The following ARSK variants were observed in gnomAD, a reference collection of about 807,000 sequenced individuals.
ARSK encodes arylsulfatase family member K.
ARSK carries 37 observed loss-of-function variants against 53.2 expected under a neutral mutation model. That is an observed-to-expected ratio of 0.70 (90% CI 0.54 to 0.92). ARSK has a LOEUF of 0.92. ARSK is among the 40% of genes least tolerant of loss of function. ARSK has a pLI of 0.00. For missense variants in ARSK, 613 were observed against 643.0 expected (o/e 0.95, Z 0.51); for synonymous variants, 208 against 223.2 (o/e 0.93, Z 0.61).
At chr5:95,596,857 GT>G (rs897600545) in intron 6 of ARSK, among the ~76,000 whole-genome samples, 13 of 151,796 alleles carry the variant, frequency 8.6e-5, no homozygotes, top group Non-Finnish European at 5.9e-5. Flanking sequence ...TAAAAGAGTG[GT>G]TTTTTTAAAG....
chr5:95,602,448 G>A (rs1044568831), intron 7 of ARSK, among the ~76,000 whole-genome samples: 6 of 152,114 alleles, frequency 3.9e-5, no homozygotes, highest in African/African-American at 1.2e-4. Flanking sequence ...GTACCATCTG[G>A]AAATTACCTA....
At chr5:95,599,591 T>C (rs1271370303) in intron 6 of ARSK, among the ~76,000 whole-genome samples, 2 of 152,186 alleles carry the variant, frequency 1.3e-5, no homozygotes, top group Non-Finnish European at 2.9e-5. Context: ...TTTTCTCCTC[T>C]TTTTGTTTTT....
Position 95,601,065 on chromosome 5 carries a change from C to T in ARSK, c.1315C>T (p.Leu439Phe). The T allele has an allele frequency of 2.5e-6, 4 of 1,611,402 alleles. No individual in the cohort carries two copies. Among genetic ancestry groups the T allele is most frequent in the Non-Finnish European group, 3.4e-6 (4 of 1,177,686 alleles). The stretch of plus-strand genomic sequence containing the variant: ...GGATGGTGCATCAATATTGCCTCAA[C>T]TCTTTGGTAAGTTTGTTAATATATT... ...YSDGASILPQ[L>F]FDLSSDPDEL... Residue 439 changes from leucine to phenylalanine, a missense_variant, in exon 7 of 8, where the codon CTC (leucine) becomes TTC (phenylalanine). By Grantham distance (22) the Leu-to-Phe change is conservative. Transcript: ENST00000380009.
intron 6 of ARSK, 58 bp from the exon 7 acceptor site, chr5:95,600,789 T>A: frequency 7.0e-7 from 1 of 1,425,852 alleles, no homozygotes; most frequent in Non-Finnish European, 9.9e-7. Flanking sequence ...TATTTGTGAA[T>A]GTTCAGCTAA....
Position 95,567,940 on chromosome 5 carries a change from A to G in ARSK, c.307A>G (p.Lys103Glu). 1 of 1,612,554 alleles carries G rather than the reference A, an allele frequency of 6.2e-7. No individual in the cohort carries two copies. The highest frequency in any genetic ancestry group is 8.5e-7 in the Non-Finnish European group (1 of 1,179,366). ...CTTAACAGAATCTTGGAATAATTTT[A>G]AGGGTCTAGATCCAAATTATACAAC... is the stretch of plus-strand genomic sequence containing the variant. The part of the protein sequence containing the change: ...THLTESWNNF[K>E]GLDPNYTTWM... Residue 103 changes from lysine (K) to glutamate (E), a missense_variant, in exon 3 of 8, where the codon AAG (lysine) becomes GAG (glutamate). Coordinates refer to ENST00000380009, the MANE Select transcript of ARSK (RefSeq NM_198150.3).
intron 3 of ARSK, among the ~76,000 whole-genome samples, chr5:95,579,226 C>T (rs1748979721): frequency 6.6e-6 from 1 of 152,096 alleles, no homozygotes; most frequent in Non-Finnish European, 1.5e-5. Flanking sequence ...CTTAGATGCC[C>T]TTTGTGATTC....
intron 3 of ARSK, 100 bp downstream of exon 3, chr5:95,568,149 A>G (rs1748761618): frequency 7.8e-7 from 1 of 1,275,550 alleles, no homozygotes. Context: ...CACAAAGGTG[A>G]AAGTAAATCT....
chr5:95,582,060 A>G (rs1389011606), intron 3 of ARSK, among the ~76,000 whole-genome samples: 1 of 152,080 alleles, frequency 6.6e-6, no homozygotes, highest in African/African-American at 2.4e-5. Flanking sequence ...ATTATGTTTT[A>G]GTATAAAATA....
At chr5:95,568,138 C>A in intron 3 of ARSK, 89 bp downstream of exon 3, 1 of 1,349,944 alleles carries the variant, frequency 7.4e-7, no homozygotes, top group Non-Finnish European at 9.9e-7. Context: ...TTTTATTTTT[C>A]CACAAAGGTG....
In ARSK at chr5:95,555,488, G is replaced by A. The variant is rs1748478480; in HGVS notation, c.126+84G>A. On this transcript the variant is annotated intron_variant, in intron 1 of 7. Coordinates refer to ENST00000380009, the MANE Select transcript of ARSK (RefSeq NM_198150.3). This position sits in a 1 kb window ranked among gnomAD's most constrained non-coding sequence, Gnocchi z 4.0. ...CCGCCTGTGCTGCAGGCTTTGGGGA[G>A]CAGAACCTGAGACATTTTCAAACAC... The A allele has an allele frequency of 7.0e-7, 1 of 1,432,924 alleles. No individual in the cohort carries two copies. The highest frequency in any genetic ancestry group is 9.3e-7 in the Non-Finnish European group (1 of 1,074,648). 88.8% of individuals were successfully genotyped at this position (1,432,924 alleles called of 1,614,324 possible). A position where few individuals can be genotyped will look rare whatever the true frequency, so the allele number is the denominator to read the frequency against.
At position 95,558,242 on chromosome 5, in the gene ARSK, A is replaced by C. The variant is rs80027057; in HGVS notation, c.126+2838A>C. On this transcript the variant is annotated intron_variant, in intron 1 of 7. Transcript: ENST00000380009. Reference sequence around the variant, plus strand: ...TTATGCCAAGTGCGGAAAGTTGAGAATCCTAGGGCCCTAATTGCCCTGGCC... The same window carrying C: ...TTATGCCAAGTGCGGAAAGTTGAGACTCCTAGGGCCCTAATTGCCCTGGCC... Among the ~76,000 whole-genome samples, 899 of 152,316 alleles carry C rather than the reference A, an allele frequency of 5.9e-3. 16 individuals are homozygous for C. The highest frequency in any genetic ancestry group is 0.02 in the African/African-American group (848 of 41,566).
chr5:95,586,700 TA>T lies in ARSK; in HGVS notation c.839del (p.Tyr280LeufsTer21). On this transcript the variant is annotated frameshift_variant, in exon 5 of 8. Transcript: ENST00000380009. LOFTEE classifies it high-confidence loss of function. ...KEIKNIRAFY[Y>X]AMCAETDAML... is the part of the protein sequence containing the mutation. ...AATTAAGAATATTAGAGCATTTTAT[TA>T]TGCTATGTGTGCTGAGACAGATGCC... is the stretch of plus-strand genomic sequence containing the variant. 6.2e-7 allele frequency: 1 copy of T among 1,611,344 alleles called. No homozygotes were observed. The highest frequency in any genetic ancestry group is 2.2e-5 in the East Asian group (1 of 44,740).
intron 1 of ARSK, among the ~76,000 whole-genome samples, chr5:95,560,747 A>G (rs1295754047): frequency 6.6e-6 from 1 of 151,760 alleles, no homozygotes; most frequent in Non-Finnish European, 1.5e-5. Context: ...ACAAGAAAAC[A>G]TAGGTGTAAG....
At chr5:95,564,503 A>C (rs1194264681) in intron 1 of ARSK, among the ~76,000 whole-genome samples, 2 of 152,198 alleles carry the variant, frequency 1.3e-5, no homozygotes, top group Non-Finnish European at 1.5e-5. Flanking sequence ...GCTTTGCAAA[A>C]TAACTTCTCA....
At chr5:95,588,227 A>C (rs1035994855) in intron 5 of ARSK, among the ~76,000 whole-genome samples, 1 of 150,340 alleles carries the variant, frequency 6.7e-6, no homozygotes, top group African/African-American at 2.5e-5. Context: ...TATGGAATAT[A>C]CTGTATCTTA....
At chr5:95,580,921 G>T in intron 3 of ARSK, 3 of 1,287,938 alleles carry the variant, frequency 2.3e-6, no homozygotes, top group Non-Finnish European at 3.0e-6. Context: ...ACTAATCAAA[G>T]AAGTGAAAAA....
At chr5:95,586,857 T>C (rs1749121626) in intron 5 of ARSK, 124 bp downstream of exon 5, 1 of 708,960 alleles carries the variant, frequency 1.4e-6, no homozygotes, top group Non-Finnish European at 2.2e-6. Flanking sequence ...ATCTTGACAC[T>C]TATCAAAACT....
chr5:95,568,036 C>T lies in ARSK; in HGVS notation c.403C>T (p.His135Tyr), dbSNP rs777062771. The T allele has an allele frequency of 3.7e-6, 6 of 1,613,460 alleles. No individual in the cohort carries two copies. The South Asian group carries it at 6.6e-5, about 18-fold the overall frequency. The change falls in exon 3 of 8, where the codon CAT (histidine) becomes TAT (tyrosine). Residue 135 changes from histidine to tyrosine, a missense_variant. Coordinates refer to ENST00000380009, the MANE Select transcript of ARSK (RefSeq NM_198150.3). Reference sequence around the variant, plus strand: ...TGGGAAACTGGACTATACTTCAGGACATCACTCCATTAGGTAAAAATAAAA... The same window carrying T: ...TGGGAAACTGGACTATACTTCAGGATATCACTCCATTAGGTAAAAATAAAA... Reference protein sequence around the residue: ...KFGKLDYTSGHHSISNRVEAW... With the variant: ...KFGKLDYTSGYHSISNRVEAW...
Position 95,555,201 on chromosome 5 carries a change from C to G in ARSK, c.-78C>G. ...AAGCTTTGGGAGTTGTTCGCTGTCC[C>G]TGCCCTGCTCTGCTAGGGAGAGAAC... On this transcript the variant is annotated 5_prime_UTR_variant, in exon 1 of 8. Coordinates refer to ENST00000380009, the MANE Select transcript of ARSK (RefSeq NM_198150.3). The surrounding 1 kb of genome is among the most constrained non-coding windows in gnomAD (Gnocchi z 4.0). 7.0e-7 allele frequency: 1 copy of G among 1,418,926 alleles called. No homozygotes were observed. Among genetic ancestry groups the G allele is most frequent in the Non-Finnish European group, 9.5e-7 (1 of 1,051,010 alleles). The allele number at this position is 1,418,926 out of a possible 1,614,324, so 87.9% of individuals were successfully genotyped here. A position where few individuals can be genotyped will look rare whatever the true frequency, so the allele number is the denominator to read the frequency against.
Sources: gnomAD v4.1 joint callset for allele counts (sites outside exome capture counted in the v4.1 genomes callset) on GRCh38, gnomAD v4.1.1 for gene constraint, Gnocchi (gnomAD v3.1) non-coding constraint, MANE v1.5 for transcripts, NCBI Gene and HGNC (gene_info 2026-07-23, HGNC 2026-07-21) for gene names.